MYH11: variants seen among roughly 807,000 people sequenced by gnomAD.
The protein encoded by MYH11 is myosin-11.
In MYH11, 80 loss-of-function variants were observed where a neutral mutation model predicts 246.6. The ratio of observed to expected loss-of-function variants is 0.32; its 90% CI spans 0.27 to 0.39. The LOEUF is 0.39. Among genes scored for constraint, MYH11 ranks in the 10% least tolerant of loss-of-function variants. The pLI, the probability that MYH11 is intolerant of heterozygous loss-of-function variation, is 1.00. For synonymous variants in MYH11, 1,071 were observed against 1,015.5 expected (o/e 1.05, Z -1.04); for missense variants, 2,158 against 2,546.8 (o/e 0.85, Z 3.29).
At position 15,776,100 on chromosome 16, in the gene MYH11, A is replaced by G. The variant is rs2151296074; in HGVS notation, c.867T>C (p.Ala289=). 3.1e-6 allele frequency: 5 copies of G among 1,613,750 alleles called. No individual in the cohort carries two copies. The highest frequency in any genetic ancestry group is 4.2e-6 in the Non-Finnish European group (5 of 1,179,636). ...RTFHIFYYMI[A]GAKEKMRSDL... ...TACTTCTCATCTTCTCCTTGGCTCCAGCAATCATGTAGTAAAAGATGTGGA... is the reference window on the plus strand; with the variant it reads ...TACTTCTCATCTTCTCCTTGGCTCCGGCAATCATGTAGTAAAAGATGTGGA... Residue 289 remains alanine (A), a synonymous_variant, in exon 8 of 41, where the codon GCT becomes GCC. Coordinates refer to ENST00000300036, the MANE Select transcript of MYH11 (RefSeq NM_002474.3).
At chr16:15,840,606 C>A (rs2044027118) in intron 1 of MYH11, among the ~76,000 whole-genome samples, 1 of 152,088 alleles carries the variant, frequency 6.6e-6, no homozygotes, top group Non-Finnish European at 1.5e-5. Flanking sequence ...GTGGTGCATG[C>A]CTACGGTTCC....
intron 3 of MYH11, among the ~76,000 whole-genome samples, chr16:15,814,553 C>CAAAAAA (rs58806731): frequency 0.021 from 480 of 22,778 alleles, 33 homozygotes; most frequent in South Asian, 0.041. Flanking sequence ...AACTCCATCT[C>CAAAAAA]AAAAAAAAAA....
intron 14 of MYH11, among the ~76,000 whole-genome samples, chr16:15,754,259 T>C (rs1202613144): frequency 6.6e-6 from 1 of 152,100 alleles, no homozygotes; most frequent in Non-Finnish European, 1.5e-5. Flanking sequence ...GGCATCCTAT[T>C]TTCCACTCTC....
intron 3 of MYH11, among the ~76,000 whole-genome samples, chr16:15,799,509 T>C (rs1246288076): frequency 6.6e-6 from 1 of 152,100 alleles, no homozygotes; most frequent in African/African-American, 2.4e-5. Flanking sequence ...AGAGTCAGTC[T>C]CTCTTGTTTA....
intron 28 of MYH11, chr16:15,725,338 C>A: frequency 1.8e-6 from 1 of 561,044 alleles, no homozygotes. Context: ...AGCAGCAGGT[C>A]TGAGAGTCCA....
chr16:15,786,112 T>A (rs911057533), intron 5 of MYH11: 1 of 301,956 alleles, frequency 3.3e-6, no homozygotes, highest in Non-Finnish European at 6.5e-6. Context: ...CCTTAACCCC[T>A]GGGACGTTAC....
intron 4 of MYH11, among the ~76,000 whole-genome samples, chr16:15,790,540 G>A (rs1057376105): frequency 1.3e-5 from 2 of 152,142 alleles, no homozygotes; most frequent in Non-Finnish European, 2.9e-5. Flanking sequence ...CTCCAGGCTC[G>A]TGGGCGTCTG....
In MYH11 at chr16:15,790,789, G is replaced by A. The variant is rs1452241215; in HGVS notation, c.531-4057C>T. Among the ~76,000 whole-genome samples the A allele has an allele frequency of 3.7e-4, 56 of 152,030 alleles. 1 individual carries two copies. The highest frequency in any genetic ancestry group is 3.7e-3 in the Admixed American group (56 of 15,246). On this transcript the variant is annotated intron_variant, in intron 4 of 40. Coordinates refer to ENST00000300036, the MANE Select transcript of MYH11 (RefSeq NM_002474.3). ...AGTCCTTTTAATCAGTCCAGCCCCA[G>A]CAGCTGGGAAGAACCACCCAATGGC...
chr16:15,759,573 T>C lies in MYH11; in HGVS notation c.1401+3A>G, dbSNP rs1057522776. 1.9e-6 allele frequency: 3 copies of C among 1,614,046 alleles called. No homozygotes were observed. Among genetic ancestry groups the C allele is most frequent in the Non-Finnish European group, 2.5e-6 (3 of 1,180,042 alleles). On this transcript the variant is annotated splice_donor_region_variant and intron_variant, in intron 12 of 40. Coordinates refer to ENST00000300036, the MANE Select transcript of MYH11 (RefSeq NM_002474.3). ...TGGCTCTTAGGATCCCACCGAGCTG[T>C]ACCTCAAAGATCTCAAATCCAGCTA... is the stretch of plus-strand genomic sequence containing the variant.
At chr16:15,732,459 G>A (rs2040993850) in intron 27 of MYH11, 105 bp downstream of exon 27, 3 of 1,486,046 alleles carry the variant, frequency 2.0e-6, no homozygotes, top group Non-Finnish European at 2.8e-6. Context: ...AGAATCTTAT[G>A]TAACTTGTTT....
intron 27 of MYH11, among the ~76,000 whole-genome samples, chr16:15,731,072 T>C (rs555214341): frequency 9.9e-5 from 15 of 152,174 alleles, no homozygotes; most frequent in Non-Finnish European, 2.1e-4. Context: ...TCCTCCCTCC[T>C]TGGCCTCCCA....
chr16:15,762,624 A>G (rs749385913), intron 10 of MYH11, among the ~76,000 whole-genome samples: 2 of 152,080 alleles, frequency 1.3e-5, no homozygotes, highest in Non-Finnish European at 2.9e-5. Flanking sequence ...CTGTAATTTC[A>G]TCTCTGACCC....
chr16:15,841,209 G>T (rs1044585968), intron 1 of MYH11, among the ~76,000 whole-genome samples: 1 of 152,158 alleles, frequency 6.6e-6, no homozygotes, highest in African/African-American at 2.4e-5. Context: ...TGCAATCTTG[G>T]CTCACTGCAA....
intron 8 of MYH11, 70 bp from the exon 9 acceptor site, chr16:15,771,782 G>T: frequency 6.3e-7 from 1 of 1,578,926 alleles, no homozygotes; most frequent in Admixed American, 1.7e-5. Context: ...ACCGAGATCT[G>T]GTCAAGGGTC....
rs1305578651 is a variant in MYH11, at chr16:15,726,512, A to AG, written c.3858+335dup. ...CAGCCTCCCGAGTAGATGGGACTAC[A>AG]GGTGCCCACGACCACGCCTGGCTAA... is the stretch of plus-strand genomic sequence containing the variant. On this transcript the variant is annotated intron_variant, in intron 28 of 40. Coordinates refer to ENST00000300036, the MANE Select transcript of MYH11 (RefSeq NM_002474.3). 2.0e-5 allele frequency among the ~76,000 whole-genome samples: 3 copies of AG among 151,926 alleles called. No homozygotes were observed. The East Asian group carries it at 5.8e-4, about 29-fold the overall frequency.
intron 2 of MYH11, among the ~76,000 whole-genome samples, chr16:15,825,099 G>A (rs566834398): frequency 3.3e-5 from 5 of 152,256 alleles, no homozygotes; most frequent in East Asian, 3.9e-4. Flanking sequence ...AGCCAGGCAC[G>A]AAAAGTCACG....
intron 3 of MYH11, among the ~76,000 whole-genome samples, chr16:15,808,815 C>A (rs1331358904): frequency 1.3e-5 from 2 of 152,140 alleles, no homozygotes. Flanking sequence ...ATTGCTTGAG[C>A]CTAGGAGTTC....
chr16:15,750,088 G>C lies in MYH11; in HGVS notation c.2058+50C>G. 1 of 1,608,870 alleles carries C rather than the reference G, an allele frequency of 6.2e-7. No homozygotes were observed. Among genetic ancestry groups the C allele is most frequent in the Non-Finnish European group, 8.5e-7 (1 of 1,176,384 alleles). On this transcript the variant is annotated intron_variant, in intron 16 of 40. Transcript: ENST00000300036. This position sits in a 1 kb window ranked among gnomAD's most constrained non-coding sequence, Gnocchi z 4.3. ...CGCCCTGGGGACGCTGTGACCGCTT[G>C]GGACAGCCCTGGCTTCTGGGAGCCC...
At position 15,828,246 on chromosome 16, in the gene MYH11, C is replaced by T. The variant is rs2043623483; in HGVS notation, c.346-4835G>A. Among the ~76,000 whole-genome samples, 3 of 152,126 alleles carry T rather than the reference C, an allele frequency of 2.0e-5. 1 individual carries two copies. In the South Asian group the frequency reaches 6.2e-4, roughly 32 times the overall value. On this transcript the variant is annotated intron_variant, in intron 2 of 40. Coordinates refer to ENST00000300036, the MANE Select transcript of MYH11 (RefSeq NM_002474.3). ...CATAGATGTGCTGCGAGATAATGCT[C>T]GAAAAGCATTTAGCATGGCGGCTGG...
Sources: gnomAD v4.1 joint callset for allele counts (sites outside exome capture counted in the v4.1 genomes callset) on GRCh38, gnomAD v4.1.1 for gene constraint, Gnocchi (gnomAD v3.1) non-coding constraint, MANE v1.5 for transcripts, NCBI Gene and HGNC (gene_info 2026-07-23, HGNC 2026-07-21) for gene names.